SDK1: variants seen among roughly 807,000 people sequenced by gnomAD.
SDK1 encodes the protein sidekick cell adhesion molecule 1.
In SDK1, 157 loss-of-function variants were observed where a neutral mutation model predicts 245.5. The ratio of observed to expected loss-of-function variants is 0.64; its 90% CI spans 0.56 to 0.73. The LOEUF is 0.73. SDK1 is among the 30% of genes least tolerant of loss of function. SDK1 has a pLI of 0.00. For missense variants in SDK1, 3,583 were observed against 3,002.3 expected (o/e 1.19, Z -4.52); for synonymous variants, 1,647 against 1,278.5 (o/e 1.29, Z -6.15).
chr7:3,640,481 A>G (rs1041999149), intron 3 of SDK1, among the ~76,000 whole-genome samples: 2 of 152,226 alleles, frequency 1.3e-5, no homozygotes, highest in Non-Finnish European at 2.9e-5. Flanking sequence ...AAATTTTTCT[A>G]AATTGTGATG....
At chr7:3,482,313 C>A (rs1341431392) in intron 1 of SDK1, among the ~76,000 whole-genome samples, 3 of 152,142 alleles carry the variant, frequency 2.0e-5, no homozygotes, top group Non-Finnish European at 4.4e-5. Context: ...AAGCCAGACT[C>A]TAGGGAGGGC....
rs555274133 is a variant in SDK1 at position 4,265,068 on chromosome 7, C to G, written c.6382-56C>G. The G allele has an allele frequency of 1.8e-4, 268 of 1,504,022 alleles. 3 individuals are homozygous for G. The African/African-American group carries it at 3.3e-3, about 18-fold the overall frequency. The allele number at this position is 1,504,022 out of a possible 1,614,324, so 93.2% of individuals were successfully genotyped here. On this transcript the variant is annotated intron_variant, in intron 44 of 44. Transcript: ENST00000404826. ...CCACCGCCAGGCCTCCTGCCCAGCA[C>G]GCTCCGGGCCCTGCGCCCTGCCCTG...
chr7:3,614,440 A>T (rs1436012517), intron 1 of SDK1, among the ~76,000 whole-genome samples: 1 of 152,222 alleles, frequency 6.6e-6, no homozygotes, highest in South Asian at 2.1e-4. Flanking sequence ...TATGTGGGCC[A>T]TTGGCTTTTC....
chr7:3,446,640 G>A (rs990667170), intron 1 of SDK1, among the ~76,000 whole-genome samples: 4 of 152,118 alleles, frequency 2.6e-5, no homozygotes, highest in Non-Finnish European at 5.9e-5. Flanking sequence ...TTATAAAATA[G>A]CATTTGTAGA....
chr7:3,868,248 A>G (rs1780869384), intron 5 of SDK1, among the ~76,000 whole-genome samples: 1 of 152,232 alleles, frequency 6.6e-6, no homozygotes, highest in Non-Finnish European at 1.5e-5. Flanking sequence ...ACCTGTCACC[A>G]ATCATTGATT....
intron 14 of SDK1, among the ~76,000 whole-genome samples, chr7:4,010,424 A>T (rs1265846397): frequency 6.6e-6 from 1 of 152,304 alleles, no homozygotes; most frequent in East Asian, 1.9e-4. Flanking sequence ...TGTGAATTTC[A>T]TTACGCCTCT....
chr7:3,533,633 T>G (rs1783421724), intron 1 of SDK1, among the ~76,000 whole-genome samples: 1 of 152,154 alleles, frequency 6.6e-6, no homozygotes, highest in African/African-American at 2.4e-5. Context: ...TTCTGAGAAG[T>G]TTTTTTGGTA....
At chr7:4,125,053 G>T (rs1784294045) in intron 25 of SDK1, among the ~76,000 whole-genome samples, 1 of 151,118 alleles carries the variant, frequency 6.6e-6, no homozygotes, top group Non-Finnish European at 1.5e-5. Context: ...TGGATGGATG[G>T]ATGGGTAATG....
intron 35 of SDK1, among the ~76,000 whole-genome samples, chr7:4,195,977 C>A (rs765223667): frequency 1.3e-5 from 2 of 152,190 alleles, no homozygotes; most frequent in Non-Finnish European, 2.9e-5. Context: ...TCAGAGGCTG[C>A]TTTTGCCCTA....
At chr7:3,582,683 T>TAAAAAAAAAA (rs71029682) in intron 1 of SDK1, among the ~76,000 whole-genome samples, 7 of 69,678 alleles carry the variant, frequency 1.0e-4, no homozygotes, top group African/African-American at 1.7e-4. Context: ...TAAACTAAAG[T>TAAAAAAAAAA]AAAAAAAAAA....
chr7:3,950,540 GTC>G (rs1180203372), intron 5 of SDK1, among the ~76,000 whole-genome samples: 1 of 152,190 alleles, frequency 6.6e-6, no homozygotes, highest in Non-Finnish European at 1.5e-5. Context: ...GTTGTAGTCA[GTC>G]TCTTAGTGTG....
At chr7:3,869,153 CTTTTTTTTTT>C (rs751723918) in intron 5 of SDK1, among the ~76,000 whole-genome samples, 5 of 117,130 alleles carry the variant, frequency 4.3e-5, no homozygotes, top group Non-Finnish European at 7.1e-5. Context: ...TTTTTCATTT[CTTTTTTTTTT>C]TTTTTTTTTT....
intron 5 of SDK1, among the ~76,000 whole-genome samples, chr7:3,934,601 A>G (rs1036790320): frequency 2.0e-5 from 3 of 152,258 alleles, no homozygotes; most frequent in African/African-American, 4.8e-5. Flanking sequence ...GCAAACATCT[A>G]TTAGGCACTT....
intron 2 of SDK1, among the ~76,000 whole-genome samples, chr7:3,629,544 A>G (rs1038630433): frequency 5.9e-5 from 9 of 152,284 alleles, no homozygotes; most frequent in African/African-American, 1.9e-4. Flanking sequence ...CCTCATATTC[A>G]TGAGTTTATC....
chr7:3,955,614 TCC>T (rs2128127156), intron 7 of SDK1, among the ~76,000 whole-genome samples: 1 of 152,262 alleles, frequency 6.6e-6, no homozygotes, highest in South Asian at 2.1e-4. Context: ...GACATGCTGC[TCC>T]CTGAGAGGGG....
intron 22 of SDK1, among the ~76,000 whole-genome samples, chr7:4,094,871 C>T (rs1434671387): frequency 6.6e-6 from 1 of 152,144 alleles, no homozygotes; most frequent in Non-Finnish European, 1.5e-5. Context: ...CATCAGGACA[C>T]GGAGGTGACA....
At chr7:3,601,762 G>C (rs1781260578) in intron 1 of SDK1, among the ~76,000 whole-genome samples, 1 of 151,110 alleles carries the variant, frequency 6.6e-6, no homozygotes, top group Non-Finnish European at 1.5e-5. Context: ...GTGCCATGTT[G>C]GTGTGCTGCA....
Position 3,757,158 on chromosome 7 carries a change from T to A in SDK1, c.714-64292T>A, listed in dbSNP as rs992305811. Among the ~76,000 whole-genome samples, 3 of 152,236 alleles carry A rather than the reference T, an allele frequency of 2.0e-5. No homozygotes were observed. The South Asian group carries it at 6.2e-4, about 32-fold the overall frequency. On this transcript the variant is annotated intron_variant, in intron 4 of 44. Transcript: ENST00000404826. ...ATTGAGGGCTCAAAACTACCCCCAC[T>A]TCAGATCCCAGGTGTCCTCATATAC...
At chr7:4,253,848 T>G (rs1787461774) in intron 44 of SDK1, among the ~76,000 whole-genome samples, 1 of 152,246 alleles carries the variant, frequency 6.6e-6, no homozygotes, top group Non-Finnish European at 1.5e-5. Context: ...ATTTACCATT[T>G]TATCAGATAT....
Sources: gnomAD v4.1 joint callset for allele counts (sites outside exome capture counted in the v4.1 genomes callset) on GRCh38, gnomAD v4.1.1 for gene constraint, MANE v1.5 for transcripts, NCBI Gene and HGNC (gene_info 2026-07-23, HGNC 2026-07-21) for gene names.